The following AGBL4 variants were observed in gnomAD, a reference collection of about 807,000 sequenced individuals.
The protein encoded by AGBL4 is cytosolic carboxypeptidase 6.
In AGBL4, 58 loss-of-function variants were observed where a neutral mutation model predicts 66.4. The ratio of observed to expected loss-of-function variants is 0.87; its 90% CI spans 0.71 to 1.09. AGBL4 has a LOEUF of 1.09. Among genes scored for constraint, AGBL4 ranks in the 50% least tolerant of loss-of-function variants. The pLI is 0.00. For missense variants in AGBL4, 579 were observed against 631.0 expected (o/e 0.92, Z 0.88); for synonymous variants, 234 against 222.9 (o/e 1.05, Z -0.44).
At chr1:48,609,711 C>T (rs1168551990) in intron 9 of AGBL4, among the ~76,000 whole-genome samples, 1 of 152,178 alleles carries the variant, frequency 6.6e-6, no homozygotes, top group East Asian at 1.9e-4. Flanking sequence ...ACATGAGCCA[C>T]CATGCTTGGT....
At chr1:48,834,293 A>G (rs1351770870) in intron 6 of AGBL4, among the ~76,000 whole-genome samples, 23 of 152,100 alleles carry the variant, frequency 1.5e-4, no homozygotes, top group Admixed American at 1.5e-3. Flanking sequence ...AACATTAGAT[A>G]TTAGAGTTGA....
At chr1:50,007,582 G>A (rs570228890) in intron 1 of AGBL4, among the ~76,000 whole-genome samples, 1 of 152,250 alleles carries the variant, frequency 6.6e-6, no homozygotes, top group African/African-American at 2.4e-5. Context: ...GGGCAACAAA[G>A]TGAGATTCTG....
intron 6 of AGBL4, among the ~76,000 whole-genome samples, chr1:48,850,991 T>C (rs909651081): frequency 5.9e-5 from 9 of 152,232 alleles, no homozygotes; most frequent in African/African-American, 2.2e-4. Context: ...AGATGCCTAC[T>C]TCATATGGTT....
At chr1:49,800,176 C>G (rs1045092158) in intron 2 of AGBL4, among the ~76,000 whole-genome samples, 1 of 151,976 alleles carries the variant, frequency 6.6e-6, no homozygotes, top group African/African-American at 2.4e-5. Context: ...CCCTTGAGTG[C>G]AGGTAGGGGC....
intron 2 of AGBL4, among the ~76,000 whole-genome samples, chr1:49,758,328 TGGGTTTGGAGCACCCACACA>T (rs1009765706): frequency 6.6e-6 from 1 of 152,134 alleles, no homozygotes; most frequent in African/African-American, 2.4e-5. Flanking sequence ...AAGGTAAATG[TGGGTTTGGAGCACCCACACA>T]GGGTCCTCAC....
rs148472163 is a variant in AGBL4 at position 49,830,529 on chromosome 1, C to T, written c.157+20867G>A. Among the ~76,000 whole-genome samples, 448 of 152,192 alleles carry T rather than the reference C, an allele frequency of 2.9e-3. 1 individual carries two copies. The highest frequency in any genetic ancestry group is 9.4e-3 in the African/African-American group (389 of 41,536). On this transcript the variant is annotated intron_variant, in intron 2 of 13. Transcript: ENST00000371839. ...TTAGCCCTTTATCAGATGGATAGAA[C>T]GCAAAATTTTTCTCCAATTTTGTGA...
intron 2 of AGBL4, among the ~76,000 whole-genome samples, chr1:49,750,103 T>C (rs535303275): frequency 6.6e-6 from 1 of 152,238 alleles, no homozygotes; most frequent in East Asian, 1.9e-4. Context: ...CTGAAAACCA[T>C]ATACAAAAAT....
At chr1:49,412,452 T>C (rs1645336078) in intron 3 of AGBL4, among the ~76,000 whole-genome samples, 2 of 152,074 alleles carry the variant, frequency 1.3e-5, no homozygotes, top group African/African-American at 2.4e-5. Flanking sequence ...TCCCATCACA[T>C]TGAGGGTTAG....
chr1:49,873,360 A>C (rs557096420), intron 1 of AGBL4, among the ~76,000 whole-genome samples: 1 of 152,176 alleles, frequency 6.6e-6, no homozygotes, highest in African/African-American at 2.4e-5. Context: ...TTTTCTTCCA[A>C]AATGCTTTCT....
chr1:49,314,435 T>C (rs1645001138), intron 3 of AGBL4, among the ~76,000 whole-genome samples: 1 of 151,978 alleles, frequency 6.6e-6, no homozygotes, highest in Non-Finnish European at 1.5e-5. Context: ...CCTGTGTCCA[T>C]GTGTTCTTAT....
intron 1 of AGBL4, among the ~76,000 whole-genome samples, chr1:49,956,432 TA>T (rs1000280812): frequency 2.4e-4 from 36 of 151,866 alleles, no homozygotes; most frequent in African/African-American, 7.0e-4. Flanking sequence ...AAAAGAGGCA[TA>T]AAAAAATTAA....
At chr1:49,063,590 A>G (rs1479530987) in intron 4 of AGBL4, among the ~76,000 whole-genome samples, 3 of 152,222 alleles carry the variant, frequency 2.0e-5, no homozygotes, top group Non-Finnish European at 4.4e-5. Flanking sequence ...AGTTTATAAA[A>G]CAAGGTTTCT....
At chr1:49,870,614 TAGAA>T (rs1374629087) in intron 1 of AGBL4, among the ~76,000 whole-genome samples, 11 of 151,156 alleles carry the variant, frequency 7.3e-5, no homozygotes, top group South Asian at 2.1e-4. Context: ...TTTTGAATAA[TAGAA>T]AGAAGAACTA....
chr1:48,568,522 C>A (rs1644511175), intron 11 of AGBL4, among the ~76,000 whole-genome samples: 1 of 152,212 alleles, frequency 6.6e-6, no homozygotes, highest in Non-Finnish European at 1.5e-5. Flanking sequence ...GCCCAAACCA[C>A]ACAGGCACAT....
chr1:49,206,437 T>G (rs1023553725), intron 4 of AGBL4, among the ~76,000 whole-genome samples: 4 of 152,154 alleles, frequency 2.6e-5, no homozygotes, highest in Non-Finnish European at 5.9e-5. Context: ...TTATTATTAC[T>G]TCCTCCATTG....
At chr1:49,201,670 T>G (rs147307807) in intron 4 of AGBL4, among the ~76,000 whole-genome samples, 161 of 152,298 alleles carry the variant, frequency 1.1e-3, no homozygotes, top group African/African-American at 3.7e-3. Flanking sequence ...TTAAATGTCA[T>G]TCAAGAAGTC....
chr1:48,702,677 G>A (rs1279507946), intron 6 of AGBL4, among the ~76,000 whole-genome samples: 1 of 152,164 alleles, frequency 6.6e-6, no homozygotes, highest in Non-Finnish European at 1.5e-5. Flanking sequence ...TGGCATCCAG[G>A]AACACCTGGA....
rs1396189033 is a variant in AGBL4, at chr1:49,151,281, A to AT, written c.377+94488_377+94489insA. Among the ~76,000 whole-genome samples, 572 of 143,174 alleles carry AT rather than the reference A, an allele frequency of 4.0e-3. 6 individuals carry two copies. Among genetic ancestry groups the AT allele is most frequent in the African/African-American group, 0.013 (505 of 38,738 alleles). 93.9% of individuals were successfully genotyped at this position (143,174 alleles called of 152,430 possible). ...AAGACTCCGTCTCAAAAAAAAAAAA[A>AT]ATATATATATATATATATGTATATG... is the stretch of plus-strand genomic sequence containing the variant. On this transcript the variant is annotated intron_variant, in intron 4 of 13. Transcript: ENST00000371839.
At chr1:49,479,528 G>A (rs1369777534) in intron 3 of AGBL4, among the ~76,000 whole-genome samples, 1 of 151,542 alleles carries the variant, frequency 6.6e-6, no homozygotes, top group African/African-American at 2.4e-5. Flanking sequence ...CATCATTTAG[G>A]TCCCACTTAT....
Sources: allele counts gnomAD v4.1 joint callset (sites outside exome capture counted in the v4.1 genomes callset), GRCh38; gene constraint gnomAD v4.1.1; transcripts MANE v1.5; gene names NCBI Gene and HGNC (gene_info 2026-07-23, HGNC 2026-07-21).